ZNF521: variants seen among roughly 807,000 people sequenced by gnomAD.
The protein encoded by ZNF521 is zinc finger protein 521, also known as LYST-interacting protein 3.
ZNF521 carries 14 observed loss-of-function variants against 105.5 expected under a neutral mutation model. That is an observed-to-expected ratio of 0.13 (90% confidence interval 0.09 to 0.21). The LOEUF (loss-of-function observed/expected upper bound fraction) is 0.21, where lower values mean the gene tolerates loss of function less well. Ranked by LOEUF, ZNF521 falls within the 10% of genes least tolerant of loss-of-function variation. The pLI, the probability that ZNF521 is intolerant of heterozygous loss-of-function variation, is 1.00. For synonymous variants in ZNF521, 635 were observed against 606.0 expected (o/e 1.05, Z -0.70); for missense variants, 1,233 against 1,629.7 (o/e 0.76, Z 4.19).
chr18:25,121,628 A>G (rs2034446004), intron 5 of ZNF521, among the ~76,000 whole-genome samples: 1 of 152,070 alleles, frequency 6.6e-6, no homozygotes, highest in Admixed American at 6.5e-5. Context: ...AGTGACCACC[A>G]TCCCCTTCCC....
intron 3 of ZNF521, among the ~76,000 whole-genome samples, chr18:25,285,432 A>G (rs948935949): frequency 2.0e-5 from 3 of 152,190 alleles, no homozygotes; most frequent in Non-Finnish European, 2.9e-5. Context: ...TTTATAAAAC[A>G]TGTGTTGCTG....
At chr18:25,066,885 A>G (rs962029697) in intron 7 of ZNF521, among the ~76,000 whole-genome samples, 1 of 152,222 alleles carries the variant, frequency 6.6e-6, no homozygotes, top group Admixed American at 6.5e-5. Context: ...AATCTCACCA[A>G]TTTTACACAG....
chr18:25,155,801 A>G (rs1319047765), intron 5 of ZNF521, among the ~76,000 whole-genome samples: 1 of 152,202 alleles, frequency 6.6e-6, no homozygotes, highest in African/African-American at 2.4e-5. Context: ...TTCAGTCTTA[A>G]AAAAAGGAGG....
At chr18:25,171,964 C>G (rs2035456122) in intron 5 of ZNF521, among the ~76,000 whole-genome samples, 1 of 151,884 alleles carries the variant, frequency 6.6e-6, no homozygotes, top group Non-Finnish European at 1.5e-5. Flanking sequence ...GTTTATTTCT[C>G]CTCAAGTATT....
chr18:25,160,190 C>G (rs1267413244), intron 5 of ZNF521, among the ~76,000 whole-genome samples: 1 of 152,114 alleles, frequency 6.6e-6, no homozygotes, highest in Admixed American at 6.5e-5. Context: ...TCTTTACTGT[C>G]AAGGCAACAT....
At chr18:25,154,812 T>C (rs1295529441) in intron 5 of ZNF521, among the ~76,000 whole-genome samples, 2 of 152,180 alleles carry the variant, frequency 1.3e-5, no homozygotes, top group Non-Finnish European at 2.9e-5. Flanking sequence ...ACTTAAGTTC[T>C]TTCCATATTT....
At chr18:25,326,597 T>A (rs1220006553) in intron 2 of ZNF521, among the ~76,000 whole-genome samples, 3 of 152,218 alleles carry the variant, frequency 2.0e-5, no homozygotes, top group African/African-American at 7.2e-5. Context: ...AGAGCCTAGA[T>A]ACAAAGTATT....
At chr18:25,158,589 C>T (rs2035191623) in intron 5 of ZNF521, among the ~76,000 whole-genome samples, 1 of 152,018 alleles carries the variant, frequency 6.6e-6, no homozygotes, top group African/African-American at 2.4e-5. Context: ...AAGAGACACT[C>T]TGTAAAACAG....
intron 3 of ZNF521, among the ~76,000 whole-genome samples, chr18:25,258,238 C>T (rs1393562307): frequency 2.0e-5 from 3 of 152,218 alleles, no homozygotes; most frequent in South Asian, 2.1e-4. Flanking sequence ...CTGTTATTGA[C>T]GATAAGGTTT....
rs142362308 is a variant in ZNF521 at position 25,329,737 on chromosome 18, T to C, written c.41-7550A>G. Among the ~76,000 whole-genome samples, 557 of 152,236 alleles carry C rather than the reference T, an allele frequency of 3.7e-3. 6 individuals carry two copies. The highest frequency in any genetic ancestry group is 0.01 in the African/African-American group (428 of 41,530). On this transcript the variant is annotated intron_variant, in intron 2 of 7. Transcript: ENST00000361524. ...CCTCACTGCTATGAGAAATCACTGATGGATTTTAAGTAGGGGAGTGAATGA... is the reference window on the plus strand; with the variant it reads ...CCTCACTGCTATGAGAAATCACTGACGGATTTTAAGTAGGGGAGTGAATGA...
chr18:25,226,340 A>T lies in ZNF521; in HGVS notation c.1578T>A (p.Ser526=). ...PHCYMGFLTD[S]SLEEHIRQVH... is the part of the protein sequence containing the mutation. ...CCTGTCTAATATGCTCTTCCAGGGA[A>T]GAGTCAGTGAGAAACCCCATATAGC... Residue 526 remains serine, a synonymous_variant, in exon 4 of 8, where the codon TCT becomes TCA. Coordinates refer to ENST00000361524, the MANE Select transcript of ZNF521 (RefSeq NM_015461.3). This position sits in a 1 kb window ranked among gnomAD's most constrained non-coding sequence, Gnocchi z 4.1. 6.2e-7 allele frequency: 1 copy of T among 1,614,184 alleles called. No individual in the cohort carries two copies. The highest frequency in any genetic ancestry group is 8.5e-7 in the Non-Finnish European group (1 of 1,180,026).
At chr18:25,065,932 T>C (rs572928750) in intron 7 of ZNF521, among the ~76,000 whole-genome samples, 1 of 152,314 alleles carries the variant, frequency 6.6e-6, no homozygotes, top group Admixed American at 6.5e-5. Flanking sequence ...AGACTGAAGT[T>C]GTTTCATAAA....
intron 3 of ZNF521, among the ~76,000 whole-genome samples, chr18:25,264,857 GA>G (rs1251859127): frequency 1.3e-5 from 2 of 152,092 alleles, no homozygotes; most frequent in African/African-American, 4.8e-5. Context: ...CAGGAAGGAG[GA>G]GAGGAAAATG....
At chr18:25,207,608 G>C (rs1426589976) in intron 4 of ZNF521, among the ~76,000 whole-genome samples, 1 of 152,194 alleles carries the variant, frequency 6.6e-6, no homozygotes, top group Non-Finnish European at 1.5e-5. Context: ...GCCTGACAGA[G>C]AGCATTTGTG....
At position 25,226,284 on chromosome 18, in the gene ZNF521, C is replaced by A; in HGVS notation, c.1634G>T (p.Gly545Val). The change falls in exon 4 of 8, where the codon GGG (glycine) becomes GTG (valine). Residue 545 changes from glycine (G) to valine (V), a missense_variant. By Grantham distance (109) the Gly-to-Val change is moderately radical. Transcript: ENST00000361524. This position sits in a 1 kb window ranked among gnomAD's most constrained non-coding sequence, Gnocchi z 4.1. ...VHCDLSGSRF[G>V]SPVLGTPKEP... Reference sequence around the variant, plus strand: ...TTTGGGAGTCCCAAGCACTGGAGACCCAAATCGGGAGCCACTGAGGTCACA... The same window carrying A: ...TTTGGGAGTCCCAAGCACTGGAGACACAAATCGGGAGCCACTGAGGTCACA... 6.2e-7 allele frequency: 1 copy of A among 1,614,102 alleles called. No homozygotes were observed. Among genetic ancestry groups the A allele is most frequent in the Non-Finnish European group, 8.5e-7 (1 of 1,180,024 alleles).
chr18:25,145,065 A>G (rs1427647986), intron 5 of ZNF521, among the ~76,000 whole-genome samples: 2 of 152,134 alleles, frequency 1.3e-5, no homozygotes, highest in Non-Finnish European at 2.9e-5. Context: ...GCACCCTTTC[A>G]TGCTGAAAAA....
intron 7 of ZNF521, among the ~76,000 whole-genome samples, chr18:25,085,235 A>G (rs887013677): frequency 6.7e-6 from 1 of 149,588 alleles, no homozygotes; most frequent in Non-Finnish European, 1.5e-5. Context: ...GTGTATATAT[A>G]TATATAAGTA....
intron 3 of ZNF521, among the ~76,000 whole-genome samples, chr18:25,319,867 C>G (rs1214556815): frequency 2.0e-5 from 3 of 152,188 alleles, no homozygotes; most frequent in Admixed American, 6.5e-5. Flanking sequence ...TTCTTTGGAG[C>G]CTGAATACTA....
intron 2 of ZNF521, among the ~76,000 whole-genome samples, chr18:25,348,194 G>A (rs955666208): frequency 1.3e-5 from 2 of 152,104 alleles, no homozygotes; most frequent in African/African-American, 4.8e-5. Context: ...CAGAACACAG[G>A]TCATAATAAC....
Sources: gnomAD v4.1 joint callset for allele counts (sites outside exome capture counted in the v4.1 genomes callset) on GRCh38, gnomAD v4.1.1 for gene constraint, Gnocchi (gnomAD v3.1) non-coding constraint, MANE v1.5 for transcripts, NCBI Gene and HGNC (gene_info 2026-07-23, HGNC 2026-07-21) for gene names.